HEATR5A: variants seen among roughly 807,000 people sequenced by gnomAD.
The protein encoded by HEATR5A is HEAT repeat-containing protein 5A.
HEATR5A carries 178 observed loss-of-function variants against 218.8 expected under a neutral mutation model. That is an observed-to-expected ratio of 0.81 (90% CI 0.72 to 0.92). The LOEUF is 0.92. HEATR5A is among the 40% of genes least tolerant of loss of function. The pLI is 0.00. For synonymous variants in HEATR5A, 864 were observed against 871.6 expected, an observed-to-expected ratio of 0.99 and a Z score of 0.15; for missense variants, 2,420 against 2,418.9, an observed-to-expected ratio of 1.00 and a Z score of -0.01.
intron 1 of HEATR5A, among the ~76,000 whole-genome samples, chr14:31,406,337 G>C (rs529614294): frequency 6.6e-6 from 1 of 152,022 alleles, no homozygotes; most frequent in African/African-American, 2.4e-5. Context: ...TTGAAAAAAG[G>C]ATTTCATAAA....
At chr14:31,390,943 A>C (rs2030428395) in intron 6 of HEATR5A, among the ~76,000 whole-genome samples, 1 of 152,200 alleles carries the variant, frequency 6.6e-6, no homozygotes, top group South Asian at 2.1e-4. Flanking sequence ...TAACAGCTCC[A>C]TGCGTGTCAC....
At position 31,293,003 on chromosome 14, in the gene HEATR5A, T is replaced by G; in HGVS notation, c.*302A>C. On this transcript the variant is annotated 3_prime_UTR_variant, in exon 36 of 36. Transcript: ENST00000543095. The stretch of plus-strand genomic sequence containing the variant: ...ATATGTATGGACTGTTAGAAGAAAT[T>G]CATTTCATTTTTAAAGCAGTGGATT... 1 of 273,648 alleles carries G rather than the reference T, an allele frequency of 3.7e-6. No homozygotes were observed. The highest frequency in any genetic ancestry group is 6.9e-6 in the Non-Finnish European group (1 of 145,964). 17.0% of individuals were successfully genotyped at this position (273,648 alleles called of 1,614,324 possible).
At chr14:31,311,830 C>T (rs765655690) in intron 28 of HEATR5A, among the ~76,000 whole-genome samples, 14 of 152,178 alleles carry the variant, frequency 9.2e-5, no homozygotes, top group Non-Finnish European at 2.1e-4. Context: ...CAATCAAGAT[C>T]GCAAGTGCAC....
chr14:31,411,758 G>C (rs1472829263), intron 1 of HEATR5A, among the ~76,000 whole-genome samples: 1 of 152,088 alleles, frequency 6.6e-6, no homozygotes, highest in African/African-American at 2.4e-5. Context: ...GAATCTCATA[G>C]AATTGGTGTT....
At chr14:31,362,728 T>C (rs1385319368) in intron 14 of HEATR5A, among the ~76,000 whole-genome samples, 1 of 148,288 alleles carries the variant, frequency 6.7e-6, no homozygotes, top group Non-Finnish European at 1.5e-5. Flanking sequence ...CAGTGAGCCA[T>C]GATCACACAA....
At chr14:31,377,125 TAAAAA>T (rs35859115) in intron 11 of HEATR5A, among the ~76,000 whole-genome samples, 2 of 125,564 alleles carry the variant, frequency 1.6e-5, no homozygotes, top group Admixed American at 8.4e-5. Flanking sequence ...CCCTGTCTCT[TAAAAA>T]AAAAAAAAAA....
chr14:31,339,449 CAAAAAAA>C, intron 21 of HEATR5A, among the ~76,000 whole-genome samples: 1 of 67,468 alleles, frequency 1.5e-5, no homozygotes, highest in Non-Finnish European at 2.6e-5. Context: ...AACTGTGTCT[CAAAAAAA>C]AAAAAAAAAA....
chr14:31,377,125 T>TAA (rs35859115), intron 11 of HEATR5A, among the ~76,000 whole-genome samples: 72 of 125,530 alleles, frequency 5.7e-4, no homozygotes, highest in African/African-American at 1.5e-3. Flanking sequence ...CCCTGTCTCT[T>TAA]AAAAAAAAAA....
chr14:31,402,150 T>C (rs1379043873), intron 2 of HEATR5A, among the ~76,000 whole-genome samples: 1 of 152,242 alleles, frequency 6.6e-6, no homozygotes, highest in African/African-American at 2.4e-5. Flanking sequence ...TGCTACTATT[T>C]TAAATTCATA....
chr14:31,356,785 C>A (rs900141721), intron 16 of HEATR5A, among the ~76,000 whole-genome samples: 1 of 151,928 alleles, frequency 6.6e-6, no homozygotes, highest in African/African-American at 2.4e-5. Context: ...GCAATAAATC[C>A]GAAAAGAAAA....
intron 1 of HEATR5A, among the ~76,000 whole-genome samples, chr14:31,412,517 C>CA (rs34167257): frequency 8.9e-5 from 12 of 135,034 alleles, no homozygotes; most frequent in Non-Finnish European, 1.4e-4. Context: ...GACTCCATCT[C>CA]AAAAAAAAAA....
chr14:31,379,012 G>C (rs1241900218), intron 11 of HEATR5A, among the ~76,000 whole-genome samples: 3 of 146,360 alleles, frequency 2.0e-5, no homozygotes, highest in South Asian at 4.5e-4. Flanking sequence ...CATGATCTCA[G>C]CTCACTGCAA....
chr14:31,375,071 T>G lies in HEATR5A; in HGVS notation c.1709-103A>C, dbSNP rs947064486. On this transcript the variant is annotated intron_variant, in intron 11 of 35. Transcript: ENST00000543095. ...TTCTCTCCTAAACATTTTAATTCAT[T>G]ATTGCAACATTTTGTCCCCTTTCTT... 4 of 930,470 alleles carry G rather than the reference T, an allele frequency of 4.3e-6. No homozygotes were observed. In the African/African-American group the frequency reaches 6.7e-5, roughly 16 times the overall value. The allele number at this position is 930,470 out of a possible 1,614,324, so 57.6% of individuals were successfully genotyped here.
intron 22 of HEATR5A, among the ~76,000 whole-genome samples, chr14:31,332,073 C>T (rs556404009): frequency 6.6e-5 from 10 of 152,058 alleles, no homozygotes; most frequent in South Asian, 4.1e-4. Flanking sequence ...AAAAGGTTTA[C>T]GTGTGTATAT....
chr14:31,399,972 A>G (rs1021925460), intron 3 of HEATR5A, among the ~76,000 whole-genome samples: 2 of 152,240 alleles, frequency 1.3e-5, no homozygotes, highest in Non-Finnish European at 2.9e-5. Flanking sequence ...TTTACTATCA[A>G]TTTTCATAAC....
At chr14:31,312,394 A>C (rs1356547428) in intron 28 of HEATR5A, among the ~76,000 whole-genome samples, 1 of 151,966 alleles carries the variant, frequency 6.6e-6, no homozygotes, top group Non-Finnish European at 1.5e-5. Context: ...AAATGAAAAC[A>C]AGTTGCTGGT....
In HEATR5A at chr14:31,336,213, C is replaced by CACACACACAT. The variant is rs758047507; in HGVS notation, c.3367+1262_3367+1263insATGTGTGTGT. 4.4e-4 allele frequency among the ~76,000 whole-genome samples: 40 copies of CACACACACAT among 90,736 alleles called. 1 individual carries two copies. The highest frequency in any genetic ancestry group is 1.4e-3 in the African/African-American group (39 of 27,602). 59.5% of individuals were successfully genotyped at this position (90,736 alleles called of 152,430 possible). On this transcript the variant is annotated intron_variant, in intron 22 of 35. Coordinates refer to ENST00000543095, the MANE Select transcript of HEATR5A (RefSeq NM_015473.4). ...AGGGGGTTATTTTTATATATACATACATACATATATATATATATATATATA... is the reference window on the plus strand; with the variant it reads ...AGGGGGTTATTTTTATATATACATACACACACACATATACATATATATATATATATATATA...
chr14:31,345,590 C>T (rs1207599204), intron 19 of HEATR5A, among the ~76,000 whole-genome samples: 3 of 152,040 alleles, frequency 2.0e-5, no homozygotes, highest in Non-Finnish European at 4.4e-5. Context: ...TAAAAAGATT[C>T]AACAAAATCT....
At chr14:31,325,876 T>A (rs1595098843) in intron 23 of HEATR5A, 1 of 403,188 alleles carries the variant, frequency 2.5e-6, no homozygotes, top group East Asian at 5.4e-5. Flanking sequence ...AAGTCACACC[T>A]TTTAGGGCAT....
Sources: gnomAD v4.1 joint callset for allele counts (sites outside exome capture counted in the v4.1 genomes callset) on GRCh38, gnomAD v4.1.1 for gene constraint, MANE v1.5 for transcripts, NCBI Gene and HGNC (gene_info 2026-07-23, HGNC 2026-07-21) for gene names.